The following DLG2 variants were observed in gnomAD, a reference collection of about 807,000 sequenced individuals.
DLG2 encodes the protein discs large MAGUK scaffold protein 2.
DLG2 carries 45 observed loss-of-function variants against 132.5 expected under a neutral mutation model. The ratio of observed to expected loss-of-function variants is 0.34; its 90% CI spans 0.27 to 0.44. The LOEUF (loss-of-function observed/expected upper bound fraction) is 0.44. DLG2 is among the 20% of genes least tolerant of loss of function. The pLI is 1.00. For synonymous variants in DLG2, 424 were observed against 419.6 expected, an observed-to-expected ratio of 1.01 and a Z score of -0.13; for missense variants, 1,045 against 1,196.9, an observed-to-expected ratio of 0.87 and a Z score of 1.87.
At chr11:85,079,860 G>C (rs1338709136) in intron 6 of DLG2, among the ~76,000 whole-genome samples, 2 of 152,050 alleles carry the variant, frequency 1.3e-5, no homozygotes, top group Non-Finnish European at 2.9e-5. Flanking sequence ...TCAATCTCCT[G>C]AGCTTGTGAT....
At chr11:84,526,871 C>G (rs910807554) in intron 7 of DLG2, among the ~76,000 whole-genome samples, 1 of 151,092 alleles carries the variant, frequency 6.6e-6, no homozygotes, top group African/African-American at 2.4e-5. Flanking sequence ...CTCCGCCTCC[C>G]GGGTTCACGC....
chr11:84,416,504 T>C (rs1157630924), intron 7 of DLG2, among the ~76,000 whole-genome samples: 2 of 152,234 alleles, frequency 1.3e-5, no homozygotes, highest in Non-Finnish European at 2.9e-5. Context: ...GGAGCAAGGA[T>C]GCTCTGAATA....
chr11:84,217,907 C>T (rs7939801), intron 8 of DLG2, among the ~76,000 whole-genome samples: 13,183 of 152,166 alleles, frequency 0.087, 1,826 homozygotes, highest in African/African-American at 0.3. Flanking sequence ...GTGGCTCACA[C>T]CTGTAATCCC....
At chr11:83,739,997 T>C (rs529770367) in intron 18 of DLG2, among the ~76,000 whole-genome samples, 1 of 152,316 alleles carries the variant, frequency 6.6e-6, no homozygotes, top group South Asian at 2.1e-4. Flanking sequence ...AGTTTAGTGA[T>C]AGCTGATGAC....
At chr11:83,537,821 AAAAAAAAAAAAAAAG>A (rs2095928283) in intron 20 of DLG2, among the ~76,000 whole-genome samples, 1 of 144,090 alleles carries the variant, frequency 6.9e-6, no homozygotes, top group Non-Finnish European at 1.5e-5. Context: ...AAAAAAAAAA[AAAAAAAAAAAAAAAG>A]AGAGAGAGAG....
intron 3 of DLG2, among the ~76,000 whole-genome samples, chr11:85,388,029 G>A (rs540919702): frequency 8.8e-4 from 134 of 152,320 alleles, no homozygotes; most frequent in African/African-American, 2.9e-3. Context: ...TCTTAGCTGG[G>A]AGGCTTGTAG....
intron 6 of DLG2, among the ~76,000 whole-genome samples, chr11:84,538,199 G>T (rs1001164165): frequency 2.0e-5 from 3 of 152,174 alleles, no homozygotes; most frequent in African/African-American, 7.2e-5. Flanking sequence ...TTGAAACAGG[G>T]TCTGGAATAC....
At chr11:83,472,439 C>T (rs2092162643) in intron 23 of DLG2, among the ~76,000 whole-genome samples, 1 of 152,124 alleles carries the variant, frequency 6.6e-6, no homozygotes, top group Non-Finnish European at 1.5e-5. Flanking sequence ...GTAGCTAGTG[C>T]TCTTTAGGTA....
At chr11:84,272,644 A>G (rs967098654) in intron 7 of DLG2, among the ~76,000 whole-genome samples, 5 of 152,208 alleles carry the variant, frequency 3.3e-5, no homozygotes, top group Non-Finnish European at 7.3e-5. Flanking sequence ...AGAAATTTTT[A>G]CAAAATCTAA....
intron 7 of DLG2, among the ~76,000 whole-genome samples, chr11:84,335,427 C>T (rs947784504): frequency 2.0e-5 from 3 of 152,076 alleles, no homozygotes; most frequent in African/African-American, 7.2e-5. Context: ...AAGGTCATGC[C>T]CCAAGTGGGA....
intron 8 of DLG2, among the ~76,000 whole-genome samples, chr11:84,204,101 G>T (rs1352371692): frequency 6.6e-6 from 1 of 152,056 alleles, no homozygotes; most frequent in Non-Finnish European, 1.5e-5. Context: ...GGGATTACAG[G>T]TGCCCACCAC....
At chr11:85,338,848 G>A (rs1018523816) in intron 3 of DLG2, among the ~76,000 whole-genome samples, 3 of 151,764 alleles carry the variant, frequency 2.0e-5, no homozygotes, top group Admixed American at 6.6e-5. Flanking sequence ...GGGACTACAG[G>A]AGCCCACCAC....
intron 7 of DLG2, among the ~76,000 whole-genome samples, chr11:84,368,398 A>G (rs1010088975): frequency 6.6e-6 from 1 of 152,076 alleles, no homozygotes; most frequent in African/African-American, 2.4e-5. Context: ...ATGGCTTTCT[A>G]TATAAATATT....
intron 4 of DLG2, among the ~76,000 whole-genome samples, chr11:85,201,765 A>T: frequency 6.6e-6 from 1 of 152,342 alleles, no homozygotes; most frequent in East Asian, 1.9e-4. Flanking sequence ...CTAGAGACCA[A>T]CCCTAAAGTG....
At chr11:85,274,075 G>C (rs369916972) in intron 4 of DLG2, among the ~76,000 whole-genome samples, 5 of 152,026 alleles carry the variant, frequency 3.3e-5, no homozygotes, top group African/African-American at 1.2e-4. Context: ...TGGACACAGG[G>C]TGGGGAACAT....
At chr11:83,831,052 C>T (rs2054352717) in intron 17 of DLG2, among the ~76,000 whole-genome samples, 1 of 152,184 alleles carries the variant, frequency 6.6e-6, no homozygotes, top group African/African-American at 2.4e-5. Context: ...CATATTTATT[C>T]AACACTTTTT....
At chr11:84,169,149 T>C (rs1202236891) in intron 8 of DLG2, among the ~76,000 whole-genome samples, 1 of 152,202 alleles carries the variant, frequency 6.6e-6, no homozygotes, top group African/African-American at 2.4e-5. Context: ...CTTCCTCGTA[T>C]GGTTATTGCA....
chr11:84,594,547 A>G (rs1462924727), intron 6 of DLG2, among the ~76,000 whole-genome samples: 1 of 152,252 alleles, frequency 6.6e-6, no homozygotes, highest in Non-Finnish European at 1.5e-5. Context: ...ACAATGAAAG[A>G]ACAAAGTAGC....
intron 6 of DLG2, among the ~76,000 whole-genome samples, chr11:84,998,112 C>A (rs1163533273): frequency 6.6e-6 from 1 of 152,044 alleles, no homozygotes; most frequent in Non-Finnish European, 1.5e-5. Flanking sequence ...TTCTTCCTAT[C>A]ATATTAGGTT....
Sources: gnomAD v4.1 joint callset for allele counts (sites outside exome capture counted in the v4.1 genomes callset) on GRCh38, gnomAD v4.1.1 for gene constraint, MANE v1.5 for transcripts, NCBI Gene and HGNC (gene_info 2026-07-23, HGNC 2026-07-21) for gene names.